Variants in PLCB1 observed in about 807,000 individuals in gnomAD.
The protein encoded by PLCB1 is phospholipase C beta 1.
Under a neutral mutation model 161.8 loss-of-function variants are expected in PLCB1, and 46 were observed. That is an observed-to-expected ratio of 0.28 (90% CI 0.22 to 0.36). PLCB1 has a LOEUF of 0.36. Ranked by LOEUF, PLCB1 falls within the 10% of genes least tolerant of loss-of-function variation. PLCB1 has a pLI of 1.00. For synonymous variants in PLCB1, 517 were observed against 503.7 expected, an observed-to-expected ratio of 1.03 and a Z score of -0.35; for missense variants, 1,016 against 1,472.5, an observed-to-expected ratio of 0.69 and a Z score of 5.07.
chr20:8,470,742 GTCAT>G (rs1355566688), intron 3 of PLCB1, among the ~76,000 whole-genome samples: 9 of 151,992 alleles, frequency 5.9e-5, no homozygotes, highest in Non-Finnish European at 1.3e-4. Flanking sequence ...GCCCAGACTG[GTCAT>G]TCATTTATCT....
chr20:8,576,566 A>AT (rs2123065586), intron 3 of PLCB1, among the ~76,000 whole-genome samples: 1 of 152,276 alleles, frequency 6.6e-6, no homozygotes, highest in East Asian at 1.9e-4. Flanking sequence ...GTCTCTCTTT[A>AT]TATATAACTA....
chr20:8,499,579 GT>G (rs1435257837), intron 3 of PLCB1, among the ~76,000 whole-genome samples: 4 of 152,128 alleles, frequency 2.6e-5, no homozygotes, highest in Admixed American at 2.6e-4. Context: ...TTTGGTTGTT[GT>G]TTAAATTTAT....
intron 2 of PLCB1, among the ~76,000 whole-genome samples, chr20:8,227,847 A>G (rs1979780283): frequency 6.6e-6 from 1 of 152,198 alleles, no homozygotes; most frequent in Non-Finnish European, 1.5e-5. Flanking sequence ...ACCCACTCAA[A>G]GAGATGACTT....
At chr20:8,568,820 T>A (rs1986418545) in intron 3 of PLCB1, among the ~76,000 whole-genome samples, 1 of 151,806 alleles carries the variant, frequency 6.6e-6, no homozygotes, top group Non-Finnish European at 1.5e-5. Flanking sequence ...GTACAAAGAG[T>A]TTATCTGGAA....
intron 4 of PLCB1, among the ~76,000 whole-genome samples, chr20:8,632,046 T>TGG (rs1247240611): frequency 1.9e-5 from 2 of 102,626 alleles, no homozygotes; most frequent in African/African-American, 7.1e-5. Flanking sequence ...TTTTTTTTTT[T>TGG]TTTTTTTTTT....
At chr20:8,272,577 A>G (rs1412440990) in intron 2 of PLCB1, among the ~76,000 whole-genome samples, 1 of 152,068 alleles carries the variant, frequency 6.6e-6, no homozygotes, top group East Asian at 1.9e-4. Context: ...CCTGCTGAAG[A>G]AGTATATTTA....
intron 4 of PLCB1, among the ~76,000 whole-genome samples, chr20:8,630,458 T>C (rs1190241875): frequency 1.3e-5 from 2 of 152,244 alleles, no homozygotes; most frequent in Non-Finnish European, 2.9e-5. Flanking sequence ...TTTCCAAGTA[T>C]GTTGTAAACA....
intron 3 of PLCB1, among the ~76,000 whole-genome samples, chr20:8,409,738 C>T (rs1978958645): frequency 6.6e-6 from 1 of 152,114 alleles, no homozygotes; most frequent in Admixed American, 6.6e-5. Flanking sequence ...GCTGAGATTA[C>T]AGGCATGAGC....
At chr20:8,330,230 C>T (rs909393281) in intron 2 of PLCB1, among the ~76,000 whole-genome samples, 2 of 152,154 alleles carry the variant, frequency 1.3e-5, no homozygotes, top group South Asian at 2.1e-4. Context: ...TGTATTAACT[C>T]ATCGTTTCAT....
chr20:8,285,872 T>C (rs1333029563), intron 2 of PLCB1, among the ~76,000 whole-genome samples: 1 of 152,230 alleles, frequency 6.6e-6, no homozygotes, highest in Non-Finnish European at 1.5e-5. Flanking sequence ...TTCCTGGTGT[T>C]TCCCTTCAAA....
intron 2 of PLCB1, among the ~76,000 whole-genome samples, chr20:8,349,255 G>A (rs1986100832): frequency 6.6e-6 from 1 of 152,112 alleles, no homozygotes; most frequent in South Asian, 2.1e-4. Context: ...TTAGACAGGT[G>A]ACAAGAAGAG....
chr20:8,233,112 ACCTGGGAT>A (rs1980146467), intron 2 of PLCB1, among the ~76,000 whole-genome samples: 2 of 152,222 alleles, frequency 1.3e-5, no homozygotes, highest in South Asian at 4.2e-4. Flanking sequence ...CCACCAAATC[ACCTGGGAT>A]CCTACTTATC....
At chr20:8,236,425 C>T (rs1044563435) in intron 2 of PLCB1, among the ~76,000 whole-genome samples, 6 of 151,782 alleles carry the variant, frequency 4.0e-5, no homozygotes, top group East Asian at 1.9e-4. Flanking sequence ...TCTAGCTGCT[C>T]GAGAGGCTAA....
intron 7 of PLCB1, chr20:8,651,522 G>A (rs2123301606): frequency 1.4e-6 from 1 of 716,914 alleles, no homozygotes; most frequent in Non-Finnish European, 2.6e-6. Context: ...GAACCTGCTT[G>A]CTATTGCTTT....
chr20:8,796,135 C>T (rs1234943449), intron 31 of PLCB1, among the ~76,000 whole-genome samples: 4 of 152,124 alleles, frequency 2.6e-5, no homozygotes, highest in Non-Finnish European at 4.4e-5. Context: ...TAATTTAGCT[C>T]ATCATCAAGA....
chr20:8,277,569 C>T (rs1259823720), intron 2 of PLCB1, among the ~76,000 whole-genome samples: 1 of 152,070 alleles, frequency 6.6e-6, no homozygotes, highest in Non-Finnish European at 1.5e-5. Context: ...GTTATAAGTG[C>T]AGAATCTCAG....
At chr20:8,548,288 T>C (rs1216299277) in intron 3 of PLCB1, among the ~76,000 whole-genome samples, 1 of 136,704 alleles carries the variant, frequency 7.3e-6, no homozygotes, top group East Asian at 2.0e-4. Context: ...TTTCTTTCTT[T>C]CTTTGTTTTT....
chr20:8,821,605 A>G (rs73605710), intron 31 of PLCB1, among the ~76,000 whole-genome samples: 5 of 145,416 alleles, frequency 3.4e-5, no homozygotes, highest in African/African-American at 1.0e-4. Flanking sequence ...GTTATGATAT[A>G]TCAGTTTACT....
At chr20:8,359,537 T>A (rs1047161005) in intron 2 of PLCB1, among the ~76,000 whole-genome samples, 11 of 152,206 alleles carry the variant, frequency 7.2e-5, no homozygotes, top group African/African-American at 2.7e-4. Flanking sequence ...TTTATTTATT[T>A]ATTTTTAGTA....
Sources: allele counts gnomAD v4.1 joint callset (sites outside exome capture counted in the v4.1 genomes callset), GRCh38; gene constraint gnomAD v4.1.1; transcripts MANE v1.5; gene names NCBI Gene and HGNC (gene_info 2026-07-23, HGNC 2026-07-21).